Variants in ESRRG observed in about 807,000 individuals in gnomAD.
ESRRG encodes the protein estrogen-related receptor gamma.
In ESRRG, 13 loss-of-function variants were observed where a neutral mutation model predicts 44.0. The observed-to-expected ratio is 0.30, with a 90% CI of 0.19 to 0.47. The LOEUF (loss-of-function observed/expected upper bound fraction) is 0.47, where lower values mean the gene tolerates loss of function less well. Ranked by LOEUF, ESRRG falls within the 20% of genes least tolerant of loss-of-function variation. ESRRG has a pLI of 1.00. For missense variants in ESRRG, 395 were observed against 580.6 expected, an observed-to-expected ratio of 0.68 and a Z score of 3.29; for synonymous variants, 215 against 214.6, an observed-to-expected ratio of 1.00 and a Z score of -0.02.
intron 2 of ESRRG, among the ~76,000 whole-genome samples, chr1:216,925,630 G>A (rs930271418): frequency 6.6e-6 from 1 of 152,120 alleles, no homozygotes; most frequent in South Asian, 2.1e-4. Context: ...GGGGCGGAAT[G>A]CTCCTTCTTT....
At chr1:216,576,587 C>G (rs2061722254) in intron 3 of ESRRG, among the ~76,000 whole-genome samples, 1 of 152,010 alleles carries the variant, frequency 6.6e-6, no homozygotes. Flanking sequence ...GGACATAACC[C>G]CAAAGAAGTC....
intron 1 of ESRRG, among the ~76,000 whole-genome samples, chr1:217,016,006 T>C (rs1041340268): frequency 6.6e-6 from 1 of 152,072 alleles, no homozygotes; most frequent in African/African-American, 2.4e-5. Context: ...GAAAGAAATA[T>C]GCCGAGAAAG....
intron 2 of ESRRG, among the ~76,000 whole-genome samples, chr1:216,780,372 G>A (rs2093885684): frequency 6.6e-6 from 1 of 152,022 alleles, no homozygotes; most frequent in East Asian, 1.9e-4. Flanking sequence ...CCTGACAGAA[G>A]TTATCAGGAT....
At chr1:216,674,027 C>A (rs1234286279) in intron 2 of ESRRG, among the ~76,000 whole-genome samples, 7 of 152,150 alleles carry the variant, frequency 4.6e-5, no homozygotes, top group Admixed American at 1.3e-4. Context: ...TGAATTTATC[C>A]CAAAATATTT....
chr1:216,577,252 G>T (rs527502646), intron 3 of ESRRG, among the ~76,000 whole-genome samples: 1 of 151,718 alleles, frequency 6.6e-6, no homozygotes, highest in African/African-American at 2.4e-5. Flanking sequence ...AAAGAAAAAA[G>T]GAAAATCTTC....
intron 2 of ESRRG, among the ~76,000 whole-genome samples, chr1:216,913,111 C>CAAAAAAA (rs36067159): frequency 1.6e-5 from 1 of 62,814 alleles, no homozygotes; most frequent in Non-Finnish European, 3.5e-5. Context: ...GACTCTGTCT[C>CAAAAAAA]AAAAAAAAAA....
At chr1:216,514,982 A>G (rs1192144715) in intron 6 of ESRRG, among the ~76,000 whole-genome samples, 1 of 151,662 alleles carries the variant, frequency 6.6e-6, no homozygotes, top group Non-Finnish European at 1.5e-5. Flanking sequence ...ACACACACAC[A>G]CACAACACAC....
chr1:216,507,401 A>C (rs1021481350), intron 6 of ESRRG, among the ~76,000 whole-genome samples: 2 of 152,192 alleles, frequency 1.3e-5, no homozygotes, highest in African/African-American at 4.8e-5. Context: ...ATTATTAGAA[A>C]AGATCTATGA....
intron 2 of ESRRG, chr1:216,855,050 TC>T (rs1470147297): frequency 6.6e-6 from 1 of 152,160 alleles, no homozygotes; most frequent in Admixed American, 6.5e-5. Context: ...GGAGAGTCTG[TC>T]CGGTTAGGCT....
intron 1 of ESRRG, among the ~76,000 whole-genome samples, chr1:216,981,771 A>G (rs1290730605): frequency 6.6e-6 from 1 of 152,042 alleles, no homozygotes; most frequent in East Asian, 1.9e-4. Flanking sequence ...CATTTTCCAA[A>G]CCAAGACTTG....
At chr1:216,549,052 C>A (rs1402091409) in intron 5 of ESRRG, among the ~76,000 whole-genome samples, 1 of 152,040 alleles carries the variant, frequency 6.6e-6, no homozygotes, top group Non-Finnish European at 1.5e-5. Flanking sequence ...TCTGTCAAGA[C>A]AAACTAGAAT....
intron 2 of ESRRG, among the ~76,000 whole-genome samples, chr1:216,909,395 C>G (rs979133673): frequency 6.6e-6 from 1 of 152,134 alleles, no homozygotes; most frequent in Non-Finnish European, 1.5e-5. Flanking sequence ...GGATAGTAAC[C>G]AGTTCCCATC....
intron 2 of ESRRG, among the ~76,000 whole-genome samples, chr1:216,851,416 C>T (rs1269996894): frequency 1.3e-5 from 2 of 152,034 alleles, no homozygotes; most frequent in Non-Finnish European, 2.9e-5. Flanking sequence ...AAATCCTCCC[C>T]ACTCCCCACC....
At chr1:216,829,658 G>C (rs2095455249) in intron 2 of ESRRG, among the ~76,000 whole-genome samples, 1 of 151,518 alleles carries the variant, frequency 6.6e-6, no homozygotes. Context: ...GGGTTCAAGT[G>C]ATTCTCCTGC....
chr1:216,668,751 T>C (rs1450149277), intron 2 of ESRRG, among the ~76,000 whole-genome samples: 1 of 152,084 alleles, frequency 6.6e-6, no homozygotes, highest in Non-Finnish European at 1.5e-5. Context: ...CACGCATATA[T>C]ATTATAGTGC....
intron 5 of ESRRG, among the ~76,000 whole-genome samples, chr1:216,526,626 C>A (rs2047742690): frequency 6.6e-6 from 1 of 152,196 alleles, no homozygotes; most frequent in Non-Finnish European, 1.5e-5. Flanking sequence ...TTTGTTTTAG[C>A]AGCTTTAGCA....
chr1:217,116,493 T>C (rs774475315), intron 1 of ESRRG, among the ~76,000 whole-genome samples: 8 of 152,216 alleles, frequency 5.3e-5, no homozygotes, highest in Non-Finnish European at 1.0e-4. Context: ...GAACAAATAT[T>C]ATGTCTTACA....
chr1:216,520,300 G>A (rs1219230761), intron 5 of ESRRG, among the ~76,000 whole-genome samples: 3 of 151,920 alleles, frequency 2.0e-5, no homozygotes, highest in African/African-American at 7.3e-5. Context: ...TAAACATTAA[G>A]CTATAACCTG....
chr1:216,677,532 G>A lies in ESRRG; in HGVS notation c.57-41C>T, dbSNP rs370369109. The A allele has an allele frequency of 3.3e-6, 5 of 1,530,508 alleles. No homozygotes were observed. The South Asian group carries it at 5.0e-5, about 15-fold the overall frequency. 94.8% of individuals were successfully genotyped at this position (1,530,508 alleles called of 1,614,324 possible). On this transcript the variant is annotated intron_variant, in intron 1 of 6. Coordinates refer to ENST00000408911, the MANE Select transcript of ESRRG (RefSeq NM_001438.4). ...TACAAAGAGAGACAGAAAGAGGAGA[G>A]AGTGTCAAGCACAGAGACCAAAAGA... is the stretch of plus-strand genomic sequence containing the variant.
Sources: gnomAD v4.1 joint callset for allele counts (sites outside exome capture counted in the v4.1 genomes callset) on GRCh38, gnomAD v4.1.1 for gene constraint, MANE v1.5 for transcripts, NCBI Gene and HGNC (gene_info 2026-07-23, HGNC 2026-07-21) for gene names.